Variants in ELAPOR2 observed in about 807,000 individuals in gnomAD.
ELAPOR2 encodes endosome-lysosome associated apoptosis and autophagy regulator family member 2.
A neutral mutation model predicts 120.7 loss-of-function variants in ELAPOR2; 89 were observed. The ratio of observed to expected loss-of-function variants is 0.74; its 90% CI spans 0.62 to 0.88. The LOEUF (loss-of-function observed/expected upper bound fraction) is 0.88, where lower values mean the gene tolerates loss of function less well. Ranked by LOEUF, ELAPOR2 falls within the 40% of genes least tolerant of loss-of-function variation. The probability of loss-of-function intolerance (pLI) is 0.00; values close to 1 mark genes in which losing one functional copy is unlikely to be tolerated. For synonymous variants in ELAPOR2, 444 were observed against 444.9 expected (o/e 1.00, Z 0.03); for missense variants, 1,134 against 1,251.6 (o/e 0.91, Z 1.42).
At chr7:87,038,733 G>C (rs1584028537) in intron 1 of ELAPOR2, among the ~76,000 whole-genome samples, 1 of 151,988 alleles carries the variant, frequency 6.6e-6, no homozygotes, top group East Asian at 1.9e-4. Context: ...AAAATTCCTT[G>C]AAACAAATGG....
chr7:86,994,848 A>G (rs957185671), intron 1 of ELAPOR2, among the ~76,000 whole-genome samples: 3 of 152,166 alleles, frequency 2.0e-5, no homozygotes, highest in Admixed American at 2.0e-4. Context: ...TTCCTGACCC[A>G]TACTTCATTC....
chr7:87,012,774 T>C (rs1356731869), intron 1 of ELAPOR2, among the ~76,000 whole-genome samples: 2 of 152,170 alleles, frequency 1.3e-5, no homozygotes, highest in African/African-American at 4.8e-5. Flanking sequence ...ACAAAAGTCA[T>C]ATCTTCCATG....
At chr7:87,014,988 C>A (rs1338888446) in intron 1 of ELAPOR2, among the ~76,000 whole-genome samples, 1 of 150,488 alleles carries the variant, frequency 6.6e-6, no homozygotes. Context: ...GATTTCATAC[C>A]AGTAAAGCTG....
Position 87,008,734 on chromosome 7 carries a change from T to C in ELAPOR2, c.190-43710A>G, listed in dbSNP as rs112961357. Among the ~76,000 whole-genome samples the C allele has an allele frequency of 5.5e-3, 841 of 152,262 alleles. 10 individuals carry two copies. The highest frequency in any genetic ancestry group is 0.019 in the African/African-American group (800 of 41,554). ...TGAATTATTTAGTGATGAAGGGCCATAATGTCTCCAAGTTTCTCTCAAATA... is the reference window on the plus strand; with the variant it reads ...TGAATTATTTAGTGATGAAGGGCCACAATGTCTCCAAGTTTCTCTCAAATA... On this transcript the variant is annotated intron_variant, in intron 1 of 21. Coordinates refer to ENST00000450689, the MANE Select transcript of ELAPOR2 (RefSeq NM_001142749.3).
intron 1 of ELAPOR2, among the ~76,000 whole-genome samples, chr7:87,000,669 C>T (rs568253100): frequency 2.8e-4 from 43 of 152,176 alleles, no homozygotes; most frequent in Non-Finnish European, 5.4e-4. Flanking sequence ...ACATCACAAG[C>T]TTCAGTTTGT....
intron 1 of ELAPOR2, among the ~76,000 whole-genome samples, chr7:86,999,455 T>G (rs980083829): frequency 4.6e-5 from 7 of 152,192 alleles, no homozygotes; most frequent in African/African-American, 1.7e-4. Flanking sequence ...AAATATTCTA[T>G]AAGTTATCAT....
At chr7:86,959,473 G>A (rs139563218) in intron 2 of ELAPOR2, among the ~76,000 whole-genome samples, 1 of 152,290 alleles carries the variant, frequency 6.6e-6, no homozygotes, top group East Asian at 1.9e-4. Context: ...GTCCTATATG[G>A]CCTTTACTGT....
At chr7:86,947,587 C>T in intron 3 of ELAPOR2, 140 bp downstream of exon 3, 1 of 746,312 alleles carries the variant, frequency 1.3e-6, no homozygotes, top group South Asian at 2.1e-5. Flanking sequence ...AATGACCGTC[C>T]AAAAAACATG....
Position 86,986,440 on chromosome 7 carries a change from A to AAAAAAAAAG in ELAPOR2, c.190-21417_190-21416insCTTTTTTTT, listed in dbSNP as rs554550596. 2.7e-5 allele frequency among the ~76,000 whole-genome samples: 2 copies of AAAAAAAAAG among 74,422 alleles called. 1 individual carries two copies. Among genetic ancestry groups the AAAAAAAAAG allele is most frequent in the African/African-American group, 1.5e-4 (2 of 13,122 alleles). 48.8% of individuals were successfully genotyped at this position (74,422 alleles called of 152,430 possible). A position where few individuals can be genotyped will look rare whatever the true frequency, so the allele number is the denominator to read the frequency against. ...CGAGACTCCGTCTCAAAAAAAAAAAAAAAGAAAACCCCATTGTCTCAGCCC... is the reference window on the plus strand; with the variant it reads ...CGAGACTCCGTCTCAAAAAAAAAAAAAAAAAAAAGAAAGAAAACCCCATTGTCTCAGCCC... On this transcript the variant is annotated intron_variant, in intron 1 of 21. Transcript: ENST00000450689.
intron 4 of ELAPOR2, among the ~76,000 whole-genome samples, chr7:86,943,029 T>A (rs1181012716): frequency 1.3e-5 from 2 of 152,044 alleles, no homozygotes; most frequent in Non-Finnish European, 2.9e-5. Context: ...CCAGAGAATA[T>A]CAGCTACTGA....
intron 8 of ELAPOR2, among the ~76,000 whole-genome samples, chr7:86,929,010 C>A (rs192877085): frequency 3.2e-4 from 49 of 151,936 alleles, no homozygotes; most frequent in Admixed American, 5.9e-4. Context: ...TCAATTCATT[C>A]TTTGGCAAGT....
intron 20 of ELAPOR2, among the ~76,000 whole-genome samples, chr7:86,892,430 C>T (rs965330114): frequency 2.7e-4 from 41 of 152,146 alleles, no homozygotes; most frequent in Middle Eastern, 3.4e-3. Flanking sequence ...GATCAAAATA[C>T]ATTCAGGAAT....
At chr7:87,034,917 T>C (rs541615283) in intron 1 of ELAPOR2, among the ~76,000 whole-genome samples, 2 of 152,118 alleles carry the variant, frequency 1.3e-5, no homozygotes, top group East Asian at 3.9e-4. Context: ...ACCCCGTCTC[T>C]ACTAAAAATA....
intron 3 of ELAPOR2, among the ~76,000 whole-genome samples, chr7:86,945,697 C>T (rs987178867): frequency 6.6e-6 from 1 of 152,040 alleles, no homozygotes; most frequent in Non-Finnish European, 1.5e-5. Context: ...TATAAAGGTA[C>T]AATAATAACT....
Position 86,995,810 on chromosome 7 carries a change from T to C in ELAPOR2, c.190-30786A>G, listed in dbSNP as rs543706396. On this transcript the variant is annotated intron_variant, in intron 1 of 21. Transcript: ENST00000450689. ...TTTATTTTTATAGATTACACTATTT[T>C]TTGAAGAAATATTAAGTATATATTA... Among the ~76,000 whole-genome samples, 4 of 152,322 alleles carry C rather than the reference T, an allele frequency of 2.6e-5. 1 individual carries two copies. Among genetic ancestry groups the C allele is most frequent in the African/African-American group, 9.6e-5 (4 of 41,570 alleles).
intron 2 of ELAPOR2, among the ~76,000 whole-genome samples, chr7:86,962,007 A>G (rs1371098986): frequency 6.6e-6 from 1 of 152,070 alleles, no homozygotes; most frequent in Non-Finnish European, 1.5e-5. Flanking sequence ...TCAATTAACA[A>G]CCAGAAGCCT....
intron 10 of ELAPOR2, among the ~76,000 whole-genome samples, chr7:86,925,154 GC>G (rs1790009830): frequency 6.6e-6 from 1 of 151,868 alleles, no homozygotes. Flanking sequence ...CCTCACCAGG[GC>G]ACAGTGCTGA....
At chr7:86,977,295 C>T (rs1470274817) in intron 1 of ELAPOR2, among the ~76,000 whole-genome samples, 1 of 152,186 alleles carries the variant, frequency 6.6e-6, no homozygotes, top group Non-Finnish European at 1.5e-5. Context: ...ATCTAAGTGC[C>T]TAACTCTAAA....
intron 21 of ELAPOR2, among the ~76,000 whole-genome samples, chr7:86,881,384 T>C (rs1799395511): frequency 6.6e-6 from 1 of 151,046 alleles, no homozygotes; most frequent in African/African-American, 2.4e-5. Context: ...GAGTCAGAGT[T>C]TCGCTCTTGT....
Sources: gnomAD v4.1 joint callset for allele counts (sites outside exome capture counted in the v4.1 genomes callset) on GRCh38, gnomAD v4.1.1 for gene constraint, MANE v1.5 for transcripts, NCBI Gene and HGNC (gene_info 2026-07-23, HGNC 2026-07-21) for gene names.